Variants in TNNI3K observed in about 807,000 individuals in gnomAD.
TNNI3K encodes the protein serine/threonine-protein kinase TNNI3K.
TNNI3K carries 140 observed loss-of-function variants against 114.5 expected under a neutral mutation model. The observed-to-expected ratio is 1.22, with a 90% CI of 1.07 to 1.41. The LOEUF (loss-of-function observed/expected upper bound fraction) is 1.41, where lower values mean the gene tolerates loss of function less well. Ranked by LOEUF, TNNI3K falls within the 40% of genes most tolerant of loss-of-function variation. The pLI is 0.00. For synonymous variants in TNNI3K, 347 were observed against 347.5 expected (o/e 1.00, Z 0.02); for missense variants, 1,125 against 1,007.6 (o/e 1.12, Z -1.58).
chr1:74,246,101 T>C (rs1336594845), intron 2 of TNNI3K, among the ~76,000 whole-genome samples: 2 of 152,224 alleles, frequency 1.3e-5, no homozygotes, highest in Admixed American at 1.3e-4. Context: ...CTGATGAAAA[T>C]GCCACTGTTT....
At chr1:74,343,009 T>C (rs1474566158) in intron 8 of TNNI3K, 23 bp downstream of exon 8, 3 of 1,613,740 alleles carry the variant, frequency 1.9e-6, no homozygotes, top group East Asian at 4.5e-5. Flanking sequence ...TAGCATTCCA[T>C]AGGTTCTCCA....
intron 17 of TNNI3K, among the ~76,000 whole-genome samples, chr1:74,406,324 TTTG>T (rs944119090): frequency 7.2e-5 from 11 of 152,228 alleles, no homozygotes. Context: ...TTTGTTATTT[TTTG>T]TTGTTGTTAG....
intron 17 of TNNI3K, among the ~76,000 whole-genome samples, chr1:74,435,483 C>A (rs572295803): frequency 2.2e-4 from 34 of 151,950 alleles, no homozygotes; most frequent in African/African-American, 3.4e-4. Context: ...AACTTGAATT[C>A]TTGGTTGAAG....
chr1:74,423,140 C>A (rs1430252044), intron 17 of TNNI3K, among the ~76,000 whole-genome samples: 2 of 151,934 alleles, frequency 1.3e-5, no homozygotes, highest in African/African-American at 4.8e-5. Context: ...CCTTCAGATG[C>A]CAAAGGTCGC....
intron 7 of TNNI3K, chr1:74,341,842 A>G (rs1660761512): frequency 6.6e-6 from 1 of 152,148 alleles, no homozygotes; most frequent in African/African-American, 2.4e-5. Flanking sequence ...AATTGCTACC[A>G]TGGGAAATTG....
At position 74,369,286 on chromosome 1, in the gene TNNI3K, T is replaced by A. The variant is rs368527224; in HGVS notation, c.1472+22T>A. 68 of 1,611,430 alleles carry A rather than the reference T, an allele frequency of 4.2e-5. No individual in the cohort carries two copies. The African/African-American group carries it at 6.7e-4, about 16-fold the overall frequency. ...AACGGTAAGCAAGCAAATGAAAAAA[T>A]TTAACATCCAGGTGGAATTGTGACC... On this transcript the variant is annotated intron_variant, in intron 15 of 24. Transcript: ENST00000326637.
At chr1:74,252,151 A>G (rs1007375368) in intron 4 of TNNI3K, among the ~76,000 whole-genome samples, 3 of 152,216 alleles carry the variant, frequency 2.0e-5, no homozygotes, top group African/African-American at 7.2e-5. Context: ...AAGATTTAGC[A>G]TGACATTGGC....
At chr1:74,429,134 G>A (rs973596477) in intron 17 of TNNI3K, among the ~76,000 whole-genome samples, 5 of 152,062 alleles carry the variant, frequency 3.3e-5, no homozygotes, top group African/African-American at 7.2e-5. Flanking sequence ...GAGCCCAAAC[G>A]TACTGTCTCT....
At chr1:74,487,621 A>G (rs1173521240) in intron 21 of TNNI3K, among the ~76,000 whole-genome samples, 2 of 152,120 alleles carry the variant, frequency 1.3e-5, no homozygotes, top group African/African-American at 4.8e-5. Context: ...ATAAATGTAA[A>G]TGAAATATAA....
At chr1:74,409,100 T>A (rs905636786) in intron 17 of TNNI3K, among the ~76,000 whole-genome samples, 1 of 152,178 alleles carries the variant, frequency 6.6e-6, no homozygotes, top group African/African-American at 2.4e-5. Flanking sequence ...TTTCTATTCA[T>A]TATTTATTTG....
At chr1:74,372,499 G>A (rs1662667879) in intron 17 of TNNI3K, 2 of 151,866 alleles carry the variant, frequency 1.3e-5, no homozygotes, top group African/African-American at 4.8e-5. Flanking sequence ...TCACATAAAA[G>A]TCATTTCTTA....
At chr1:74,486,429 T>C (rs979208664) in intron 21 of TNNI3K, among the ~76,000 whole-genome samples, 1 of 152,150 alleles carries the variant, frequency 6.6e-6, no homozygotes. Flanking sequence ...ATCAATATAA[T>C]TTGCTGGTAT....
chr1:74,472,605 T>C (rs1254641801), intron 21 of TNNI3K, among the ~76,000 whole-genome samples: 2 of 152,114 alleles, frequency 1.3e-5, no homozygotes, highest in African/African-American at 2.4e-5. Context: ...GGGTGCAATA[T>C]TGAGTAATGT....
chr1:74,532,375 C>G (rs1034094701), intron 23 of TNNI3K, among the ~76,000 whole-genome samples: 1 of 152,096 alleles, frequency 6.6e-6, no homozygotes, highest in South Asian at 2.1e-4. Flanking sequence ...ATCCAAAACC[C>G]TTTAACTTAT....
chr1:74,279,748 A>G (rs762835366), intron 5 of TNNI3K, among the ~76,000 whole-genome samples: 1 of 152,350 alleles, frequency 6.6e-6, no homozygotes, highest in African/African-American at 2.4e-5. Flanking sequence ...CTCATTGTGC[A>G]CAATATATGC....
intron 21 of TNNI3K, among the ~76,000 whole-genome samples, chr1:74,467,461 A>T (rs1014456069): frequency 6.6e-6 from 1 of 151,976 alleles, no homozygotes; most frequent in East Asian, 1.9e-4. Context: ...AGAATAGTCT[A>T]TTGAAGATGG....
chr1:74,427,150 A>C (rs775180735), intron 17 of TNNI3K, among the ~76,000 whole-genome samples: 1 of 152,082 alleles, frequency 6.6e-6, no homozygotes, highest in Admixed American at 6.6e-5. Context: ...GTGTTTGCTC[A>C]TCACATGTAA....
intron 17 of TNNI3K, among the ~76,000 whole-genome samples, chr1:74,429,424 G>A (rs1665787019): frequency 6.6e-6 from 1 of 152,110 alleles, no homozygotes; most frequent in Admixed American, 6.6e-5. Context: ...GGTCTAATCA[G>A]CTCCTTGAAA....
At chr1:74,288,054 T>C in intron 5 of TNNI3K, among the ~76,000 whole-genome samples, 1 of 152,034 alleles carries the variant, frequency 6.6e-6, no homozygotes, top group Non-Finnish European at 1.5e-5. Flanking sequence ...CCCCATACCA[T>C]TATAAAATGG....
Sources: allele counts gnomAD v4.1 joint callset (sites outside exome capture counted in the v4.1 genomes callset), GRCh38; gene constraint gnomAD v4.1.1; transcripts MANE v1.5; gene names NCBI Gene and HGNC (gene_info 2026-07-23, HGNC 2026-07-21).